Variants in DMRT3 observed in about 807,000 individuals in gnomAD.
DMRT3 encodes the protein doublesex and mab-3 related transcription factor 3.
A neutral mutation model predicts 34.9 loss-of-function variants in DMRT3; 29 were observed. The ratio of observed to expected loss-of-function variants is 0.83; its 90% CI spans 0.62 to 1.13. DMRT3 has a LOEUF of 1.13. DMRT3 is among the 50% of genes most tolerant of loss of function. DMRT3 has a pLI of 0.00. For synonymous variants in DMRT3, 350 were observed against 286.0 expected (o/e 1.22, Z -2.26); for missense variants, 772 against 629.1 (o/e 1.23, Z -2.43).
Position 990,999 on chromosome 9 carries a change from A to G in DMRT3, c.1413A>G (p.Ser471=). 6.2e-7 allele frequency: 1 copy of G among 1,606,286 alleles called. No homozygotes were observed. ...DSSDSRTLNT[S]S Reference sequence around the variant, plus strand: ...CAGACTCTAGAACACTCAACACATCATCTTAAAGTGGTGCTGGATGGGTGG... The same window carrying G: ...CAGACTCTAGAACACTCAACACATCGTCTTAAAGTGGTGCTGGATGGGTGG... The change falls in exon 2 of 2, where the codon TCA becomes TCG. Residue 471 remains serine (S), a synonymous_variant. Coordinates refer to ENST00000190165, the MANE Select transcript of DMRT3 (RefSeq NM_021240.4).
At position 977,122 on chromosome 9, in the gene DMRT3, C is replaced by T; in HGVS notation, c.121C>T (p.Leu41Phe). The change falls in exon 1 of 2, where the codon CTC becomes TTC. Residue 41 changes from leucine (L) to phenylalanine (F), a missense_variant. Leu to Phe is a conservative substitution (Grantham distance 22). Coordinates refer to ENST00000190165, the MANE Select transcript of DMRT3 (RefSeq NM_021240.4). Reference sequence around the variant, plus strand: ...CCGCAACCATGGCGTCCTGTCCTGGCTCAAGGGCCACAAGCGTTACTGCCG... The same window carrying T: ...CCGCAACCATGGCGTCCTGTCCTGGTTCAAGGGCCACAAGCGTTACTGCCG... ...RCRNHGVLSW[L>F]KGHKRYCRFK... 2.5e-6 allele frequency: 4 copies of T among 1,610,498 alleles called. No individual in the cohort carries two copies. Among genetic ancestry groups the T allele is most frequent in the Non-Finnish European group, 3.4e-6 (4 of 1,178,692 alleles).
At chr9:986,912 C>G (rs906203168) in intron 1 of DMRT3, among the ~76,000 whole-genome samples, 2 of 146,162 alleles carry the variant, frequency 1.4e-5, no homozygotes, top group Non-Finnish European at 3.0e-5. Context: ...AAAAGTTGAG[C>G]TTTGAGCTTT....
At chr9:979,209 A>G (rs565718030) in intron 1 of DMRT3, among the ~76,000 whole-genome samples, 1 of 152,314 alleles carries the variant, frequency 6.6e-6, no homozygotes, top group Admixed American at 6.5e-5. Flanking sequence ...GCTAAAGTTC[A>G]TGATTTCTAA....
chr9:984,498 G>A (rs1010433257), intron 1 of DMRT3, among the ~76,000 whole-genome samples: 7 of 150,094 alleles, frequency 4.7e-5, no homozygotes, highest in South Asian at 2.1e-4. Flanking sequence ...TTCTGTCGCC[G>A]CAGCTGGAGT....
chr9:980,866 C>T (rs1820208024), intron 1 of DMRT3, among the ~76,000 whole-genome samples: 1 of 152,136 alleles, frequency 6.6e-6, no homozygotes, highest in Non-Finnish European at 1.5e-5. Context: ...CTTCCCTACC[C>T]CCAACTTTTC....
chr9:991,307 G>GA lies in DMRT3; in HGVS notation c.*304dup, dbSNP rs1164008329. 3.8e-6 allele frequency: 1 copy of GA among 262,034 alleles called. No individual in the cohort carries two copies. The highest frequency in any genetic ancestry group is 7.2e-6 in the Non-Finnish European group (1 of 138,866). 16.2% of individuals were successfully genotyped at this position (262,034 alleles called of 1,614,324 possible). A position where few individuals can be genotyped will look rare whatever the true frequency, so the allele number is the denominator to read the frequency against. The stretch of plus-strand genomic sequence containing the variant: ...AAGATTTATTTGGGGATGTAAAGCT[G>GA]AAGGTCAGCCTTGCACCTAAACCCA... On this transcript the variant is annotated 3_prime_UTR_variant, in exon 2 of 2. Coordinates refer to ENST00000190165, the MANE Select transcript of DMRT3 (RefSeq NM_021240.4).
chr9:977,286 A>G lies in DMRT3; in HGVS notation c.285A>G (p.Pro95=). ...SLIPDSLRAL[P]GPPPPGDAVA... ...TCCCCGACTCGCTGCGCGCTCTGCC[A>G]GGGCCCCCGCCGCCGGGGGACGCCG... The change falls in exon 1 of 2, where the codon CCA becomes CCG. Residue 95 remains proline, a synonymous_variant. Transcript: ENST00000190165. 9.0e-6 allele frequency: 13 copies of G among 1,441,158 alleles called. No homozygotes were observed. The highest frequency in any genetic ancestry group is 1.2e-5 in the Non-Finnish European group (13 of 1,091,418). 89.3% of individuals were successfully genotyped at this position (1,441,158 alleles called of 1,614,324 possible). A position where few individuals can be genotyped will look rare whatever the true frequency, so the allele number is the denominator to read the frequency against.
chr9:981,882 C>T (rs548137389), intron 1 of DMRT3, among the ~76,000 whole-genome samples: 58 of 152,262 alleles, frequency 3.8e-4, no homozygotes, highest in East Asian at 2.3e-3. Flanking sequence ...GCTCAGGAAC[C>T]GCCCAGAGAC....
chr9:984,746 C>T lies in DMRT3; in HGVS notation c.455-5295C>T, dbSNP rs752096980. Among the ~76,000 whole-genome samples, 14 of 152,236 alleles carry T rather than the reference C, an allele frequency of 9.2e-5. 1 individual carries two copies. Among genetic ancestry groups the T allele is most frequent in the South Asian group, 8.3e-4 (4 of 4,824 alleles). Reference sequence around the variant, plus strand: ...TGCTGGGATTACAGGTGTGAGCCACCGCGCCCAGCCAGATTTTTCACTTTT... The same window carrying T: ...TGCTGGGATTACAGGTGTGAGCCACTGCGCCCAGCCAGATTTTTCACTTTT... On this transcript the variant is annotated intron_variant, in intron 1 of 1. Transcript: ENST00000190165.
In DMRT3 at chr9:990,037, C is replaced by A. The variant is rs1820332986; in HGVS notation, c.455-4C>A. 2.5e-6 allele frequency: 4 copies of A among 1,613,570 alleles called. No homozygotes were observed. Among genetic ancestry groups the A allele is most frequent in the Non-Finnish European group, 3.4e-6 (4 of 1,179,846 alleles). Reference sequence around the variant, plus strand: ...AAGATTAACTCAGCTGTTCTGTTTTCCAGATTTGACTGAAGAACGACTTGG... The same window carrying A: ...AAGATTAACTCAGCTGTTCTGTTTTACAGATTTGACTGAAGAACGACTTGG... On this transcript the variant is annotated splice_polypyrimidine_tract_variant and splice_region_variant and intron_variant, in intron 1 of 1. Transcript: ENST00000190165.
chr9:990,075 G>A lies in DMRT3; in HGVS notation c.489G>A (p.Ser163=), dbSNP rs1229870921. The A allele has an allele frequency of 4.3e-6, 7 of 1,613,806 alleles. No individual in the cohort carries two copies. The highest frequency in any genetic ancestry group is 4.2e-6 in the Non-Finnish European group (5 of 1,179,994). ...AAGAACGACTTGGAGACGGCAAGTC[G>A]GCAGACAATACAGAGGTCTTCAGTG... ...LTEERLGDGK[S]ADNTEVFSDK... The change falls in exon 2 of 2, where the codon TCG becomes TCA. Residue 163 remains serine (S), a synonymous_variant. Transcript: ENST00000190165.
chr9:984,687 G>A (rs1057183611), intron 1 of DMRT3, among the ~76,000 whole-genome samples: 1 of 152,046 alleles, frequency 6.6e-6, no homozygotes, highest in Non-Finnish European at 1.5e-5. Flanking sequence ...TTGATCTCCT[G>A]ACCTCGTGAT....
Position 990,125 on chromosome 9 carries a change from C to T in DMRT3, c.539C>T (p.Ser180Phe), listed in dbSNP as rs778998093. 6.2e-7 allele frequency: 1 copy of T among 1,614,012 alleles called. No individual in the cohort carries two copies. Among genetic ancestry groups the T allele is most frequent in the Admixed American group, 1.7e-5 (1 of 60,016 alleles). The change falls in exon 2 of 2, where the codon TCC becomes TTC. Residue 180 changes from serine (S) to phenylalanine (F), a missense_variant. Coordinates refer to ENST00000190165, the MANE Select transcript of DMRT3 (RefSeq NM_021240.4). ...GACAAAGACACTGACCAGAGGAGTT[C>T]CCCAGATGTGGCAAAGAGTAAGGGC... ...FSDKDTDQRS[S>F]PDVAKSKGCF...
intron 1 of DMRT3, chr9:989,812 C>T: frequency 2.0e-6 from 1 of 502,062 alleles, no homozygotes; most frequent in South Asian, 2.8e-5. Flanking sequence ...AGCTTCCTTG[C>T]ACAAAGCATT....
At chr9:986,949 C>T (rs950878734) in intron 1 of DMRT3, among the ~76,000 whole-genome samples, 2 of 150,556 alleles carry the variant, frequency 1.3e-5, no homozygotes, top group African/African-American at 4.9e-5. Flanking sequence ...ACGCTTTATT[C>T]CCAAGAAGGA....
At chr9:979,527 A>AC (rs1246260591) in intron 1 of DMRT3, among the ~76,000 whole-genome samples, 4 of 151,288 alleles carry the variant, frequency 2.6e-5, no homozygotes, top group Admixed American at 6.6e-5. Flanking sequence ...GGTCACCCCC[A>AC]CCCCCCCATA....
chr9:982,901 C>T (rs1047588662), intron 1 of DMRT3, among the ~76,000 whole-genome samples: 1 of 152,176 alleles, frequency 6.6e-6, no homozygotes, highest in Non-Finnish European at 1.5e-5. Context: ...ATTAGCTGCT[C>T]AGGTCCTTGG....
At position 990,859 on chromosome 9, in the gene DMRT3, C is replaced by G. The variant is rs1410292017; in HGVS notation, c.1273C>G (p.Leu425Val). The G allele has an allele frequency of 6.2e-7, 1 of 1,614,052 alleles. No individual in the cohort carries two copies. The highest frequency in any genetic ancestry group is 8.5e-7 in the Non-Finnish European group (1 of 1,180,032). The change falls in exon 2 of 2, where the codon CTT becomes GTT. Residue 425 changes from leucine to valine, a missense_variant. Transcript: ENST00000190165. ...STSVFRSSPV[L>V]PARATEDPRI... is the part of the protein sequence containing the mutation. ...CAGCGTCTTCAGAAGCTCGCCCGTC[C>G]TTCCTGCCCGCGCCACGGAAGACCC...
At chr9:988,242 C>T (rs996904273) in intron 1 of DMRT3, among the ~76,000 whole-genome samples, 10 of 151,156 alleles carry the variant, frequency 6.6e-5, no homozygotes, top group Non-Finnish European at 1.2e-4. Flanking sequence ...CATTGGAAAC[C>T]TTATATTTTA....
Sources: allele counts gnomAD v4.1 joint callset (sites outside exome capture counted in the v4.1 genomes callset), GRCh38; gene constraint gnomAD v4.1.1; transcripts MANE v1.5; gene names NCBI Gene and HGNC (gene_info 2026-07-23, HGNC 2026-07-21).